The following ITGAE variants were observed in gnomAD, a reference collection of about 807,000 sequenced individuals.
The protein encoded by ITGAE is integrin alpha-E.
ITGAE carries 99 observed loss-of-function variants against 136.5 expected under a neutral mutation model. The ratio of observed to expected loss-of-function variants is 0.73; its 90% CI spans 0.62 to 0.86. The LOEUF is 0.86. Ranked by LOEUF, ITGAE falls within the 40% of genes least tolerant of loss-of-function variation. The pLI is 0.00. For synonymous variants in ITGAE, 613 were observed against 591.8 expected (o/e 1.04, Z -0.52); for missense variants, 1,447 against 1,515.3 (o/e 0.95, Z 0.75).
chr17:3,725,958 A>C (rs1180993551), intron 26 of ITGAE: 1 of 1,613,824 alleles, frequency 6.2e-7, no homozygotes, highest in Admixed American at 1.7e-5. Flanking sequence ...GAAGAGCAGC[A>C]CTATCCCCAG....
intron 1 of ITGAE, among the ~76,000 whole-genome samples, chr17:3,785,560 C>A (rs2052772779): frequency 7.4e-6 from 1 of 135,440 alleles, no homozygotes; most frequent in African/African-American, 2.7e-5. Context: ...GGAAGGAAAA[C>A]TAGAAAAATC....
At chr17:3,753,653 C>T (rs2051926731) in intron 13 of ITGAE, 130 bp downstream of exon 13, 1 of 1,243,584 alleles carries the variant, frequency 8.0e-7, no homozygotes, top group African/African-American at 1.5e-5. Context: ...CCTCGAGCTC[C>T]ACTCAGGAGC....
intron 3 of ITGAE, among the ~76,000 whole-genome samples, chr17:3,762,588 GA>G (rs2052199749): frequency 6.9e-6 from 1 of 145,666 alleles, no homozygotes; most frequent in African/African-American, 2.6e-5. Flanking sequence ...CTCAGACAAG[GA>G]TTTTTTTTTT....
intron 3 of ITGAE, among the ~76,000 whole-genome samples, chr17:3,762,477 C>T (rs2052196778): frequency 6.6e-6 from 1 of 152,074 alleles, no homozygotes; most frequent in Non-Finnish European, 1.5e-5. Context: ...CCTTCCTCGT[C>T]CTCCCCACTG....
Position 3,799,952 on chromosome 17 carries a change from C to G in ITGAE, c.34+1159G>C. ...TGACCAATATGGTGAGACCCTGTCT[C>G]TACTAAAAATACAAAAATTAGCCAG... On this transcript the variant is annotated intron_variant, in intron 1 of 30. Coordinates refer to ENST00000263087, the MANE Select transcript of ITGAE (RefSeq NM_002208.5). This position sits in a 1 kb window ranked among gnomAD's most constrained non-coding sequence, Gnocchi z 4.1. Among the ~76,000 whole-genome samples the G allele has an allele frequency of 6.6e-6, 1 of 152,032 alleles. No homozygotes were observed. Among genetic ancestry groups the G allele is most frequent in the Non-Finnish European group, 1.5e-5 (1 of 68,004 alleles).
At chr17:3,765,582 C>G (rs1477278932) in intron 2 of ITGAE, among the ~76,000 whole-genome samples, 1 of 152,128 alleles carries the variant, frequency 6.6e-6, no homozygotes, top group Admixed American at 6.6e-5. Flanking sequence ...CCACCCCAAG[C>G]TGACTTCCCA....
rs1179905974 is a variant in ITGAE, at chr17:3,728,166, G to A, written c.2915C>T (p.Pro972Leu). The change falls in exon 25 of 31, where the codon CCA becomes CTA. Residue 972 changes from proline (P) to leucine (L), a missense_variant and splice_region_variant. Physicochemically the swap from Pro to Leu is moderately conservative, Grantham distance 98. Coordinates refer to ENST00000263087, the MANE Select transcript of ITGAE (RefSeq NM_002208.5). Reference protein sequence around the residue: ...RHGFVAVLSKPSIMYVNTGQG... With the variant: ...RHGFVAVLSKLSIMYVNTGQG... ...GCCTGTGTTCACGTACATTATGGATGGTCTGCAATTGACAGGACATGCGTC... is the reference window on the plus strand; with the variant it reads ...GCCTGTGTTCACGTACATTATGGATAGTCTGCAATTGACAGGACATGCGTC... 6.2e-7 allele frequency: 1 copy of A among 1,611,928 alleles called. No individual in the cohort carries two copies. Among genetic ancestry groups the A allele is most frequent in the South Asian group, 1.1e-5 (1 of 91,028 alleles).
chr17:3,724,456 C>G, intron 26 of ITGAE: 1 of 1,613,776 alleles, frequency 6.2e-7, no homozygotes, highest in Middle Eastern at 1.6e-4. Flanking sequence ...TCTCTGGCCT[C>G]GCCCTGCCCC....
intron 15 of ITGAE, among the ~76,000 whole-genome samples, chr17:3,751,353 G>C (rs2051860482): frequency 6.6e-6 from 1 of 151,946 alleles, no homozygotes; most frequent in African/African-American, 2.4e-5. Context: ...AGGCAGGTGG[G>C]TGGAAGGAGG....
intron 26 of ITGAE, chr17:3,725,360 T>C: frequency 6.2e-7 from 1 of 1,613,198 alleles, no homozygotes; most frequent in South Asian, 1.1e-5. Flanking sequence ...CTGTCCCCTT[T>C]AGCCATTGCC....
At position 3,720,312 on chromosome 17, in the gene ITGAE, T is replaced by C. The variant is rs1567752806; in HGVS notation, c.3328A>G (p.Thr1110Ala). 1 of 1,538,206 alleles carries C rather than the reference T, an allele frequency of 6.5e-7. No individual in the cohort carries two copies. The highest frequency in any genetic ancestry group is 9.0e-7 in the Non-Finnish European group (1 of 1,110,962). ...AGAAGCCAGCCAGGAATTACCTTAG[T>C]TCTGTGGTTCTCTGCATTCAGTCCC... ...YEGLNAENHRTKITVVFLKDE... is the reference protein window; with the variant it reads ...YEGLNAENHRAKITVVFLKDE... The change falls in exon 29 of 31, where the codon ACT (threonine) becomes GCT (alanine). Residue 1110 changes from threonine to alanine, a missense_variant. Thr to Ala is a moderately conservative substitution (Grantham distance 58). Coordinates refer to ENST00000263087, the MANE Select transcript of ITGAE (RefSeq NM_002208.5).
intron 1 of ITGAE, among the ~76,000 whole-genome samples, chr17:3,781,834 A>T (rs1274920724): frequency 1.3e-5 from 2 of 152,064 alleles, no homozygotes; most frequent in Non-Finnish European, 2.9e-5. Flanking sequence ...CTCAGAATTC[A>T]CATGCACATT....
intron 28 of ITGAE, 22 bp downstream of exon 28, chr17:3,723,266 G>C: frequency 6.7e-7 from 1 of 1,498,828 alleles, no homozygotes; most frequent in Non-Finnish European, 9.3e-7. Context: ...AATCAAATCT[G>C]GAGCATTTCA....
intron 2 of ITGAE, among the ~76,000 whole-genome samples, chr17:3,775,511 G>A (rs1027702517): frequency 2.6e-5 from 4 of 152,148 alleles, no homozygotes; most frequent in Admixed American, 2.6e-4. Flanking sequence ...CCAGGCTGGA[G>A]TGCAATGGCA....
At position 3,716,779 on chromosome 17, in the gene ITGAE, TTCAGGAAGACGACA is replaced by T. The variant is rs1430159771; in HGVS notation, c.3339_3352del (p.Val1114ArgfsTer2). The T allele has an allele frequency of 1.2e-6, 2 of 1,600,498 alleles. No homozygotes were observed. The highest frequency in any genetic ancestry group is 1.7e-5 in the Admixed American group (1 of 59,946). ...AGGCAAAGAATGGTACTTCTCATCT[TTCAGGAAGACGACA>T]GTGATCTAGACAAGACAAAGAGATC... On this transcript the variant is annotated frameshift_variant, in exon 30 of 31. Coordinates refer to ENST00000263087, the MANE Select transcript of ITGAE (RefSeq NM_002208.5). LOFTEE classifies it high-confidence loss of function.
chr17:3,797,378 G>C (rs1290700825), intron 1 of ITGAE, among the ~76,000 whole-genome samples: 1 of 151,102 alleles, frequency 6.6e-6, no homozygotes, highest in East Asian at 1.9e-4. Context: ...TGTTAGCCAG[G>C]ATGGTCTCGA....
intron 1 of ITGAE, among the ~76,000 whole-genome samples, chr17:3,793,745 C>A (rs1567563087): frequency 6.6e-6 from 1 of 152,098 alleles, no homozygotes; most frequent in South Asian, 2.1e-4. Flanking sequence ...GATGTGGTTT[C>A]ACCGTGTTAG....
Position 3,727,901 on chromosome 17 carries a change from A to G in ITGAE, c.3084+18T>C. On this transcript the variant is annotated intron_variant, in intron 26 of 30. Transcript: ENST00000263087. ...CTGTGGAAAGAGGTGTGACTGATAA[A>G]GAACTGCCTTTAAATACCTGAGTCC... is the stretch of plus-strand genomic sequence containing the variant. 1 of 1,488,140 alleles carries G rather than the reference A, an allele frequency of 6.7e-7. No homozygotes were observed. Among genetic ancestry groups the G allele is most frequent in the Non-Finnish European group, 9.4e-7 (1 of 1,065,730 alleles). 92.2% of individuals were successfully genotyped at this position (1,488,140 alleles called of 1,614,324 possible).
At chr17:3,715,548 T>C (rs964619076) in intron 30 of ITGAE, among the ~76,000 whole-genome samples, 3 of 152,074 alleles carry the variant, frequency 2.0e-5, no homozygotes, top group African/African-American at 7.2e-5. Flanking sequence ...ATTTAGGGAA[T>C]AGTTTGACTT....
Sources: gnomAD v4.1 joint callset for allele counts (sites outside exome capture counted in the v4.1 genomes callset) on GRCh38, gnomAD v4.1.1 for gene constraint, Gnocchi (gnomAD v3.1) non-coding constraint, MANE v1.5 for transcripts, NCBI Gene and HGNC (gene_info 2026-07-23, HGNC 2026-07-21) for gene names.